The following CDC42BPA variants were observed in gnomAD, a reference collection of about 807,000 sequenced individuals.
The protein encoded by CDC42BPA is serine/threonine-protein kinase MRCK alpha.
CDC42BPA carries 80 observed loss-of-function variants against 223.5 expected under a neutral mutation model. The ratio of observed to expected loss-of-function variants is 0.36; its 90% CI spans 0.30 to 0.43. The LOEUF is 0.43. CDC42BPA is among the 20% of genes least tolerant of loss of function. The pLI, the probability that CDC42BPA is intolerant of heterozygous loss-of-function variation, is 1.00. For missense variants in CDC42BPA, 1,743 were observed against 2,099.9 expected (o/e 0.83, Z 3.32); for synonymous variants, 694 against 718.6 (o/e 0.97, Z 0.55).
rs951627768 is a variant in CDC42BPA at position 227,162,380 on chromosome 1, T to C, written c.600-1744A>G. Among the ~76,000 whole-genome samples the C allele has an allele frequency of 2.6e-4, 39 of 152,204 alleles. 1 individual carries two copies. Among genetic ancestry groups the C allele is most frequent in the Admixed American group, 2.4e-3 (37 of 15,280 alleles). On this transcript the variant is annotated intron_variant, in intron 5 of 36. Coordinates refer to ENST00000366766, the MANE Select transcript of CDC42BPA (RefSeq NM_001394014.1). Reference sequence around the variant, plus strand: ...CCCTCCACTACCCAGACATAGCTACTATCCTAAATTTGGTGTTTACTGTAT... The same window carrying C: ...CCCTCCACTACCCAGACATAGCTACCATCCTAAATTTGGTGTTTACTGTAT...
chr1:227,143,222 A>C lies in CDC42BPA; in HGVS notation c.1144-198T>G, dbSNP rs1489488299. Among the ~76,000 whole-genome samples the C allele has an allele frequency of 2.0e-5, 3 of 152,362 alleles. No individual in the cohort carries two copies. The East Asian group carries it at 5.8e-4, about 29-fold the overall frequency. ...CACTGCTACTCTAAAATTCTAATTA[A>C]AGTAAAATGAAGATTCAAAGTCTGA... On this transcript the variant is annotated intron_variant, in intron 8 of 36. Transcript: ENST00000366766.
intron 5 of CDC42BPA, among the ~76,000 whole-genome samples, chr1:227,186,420 G>A (rs948464575): frequency 6.6e-6 from 1 of 152,124 alleles, no homozygotes; most frequent in Admixed American, 6.5e-5. Flanking sequence ...CTAACCTGCT[G>A]GGGTATTATC....
intron 32 of CDC42BPA, among the ~76,000 whole-genome samples, chr1:227,022,216 G>A (rs1458963537): frequency 2.6e-5 from 4 of 152,070 alleles, no homozygotes; most frequent in Admixed American, 2.0e-4. Context: ...TGGATCATTT[G>A]AGGTCAGGAG....
intron 11 of CDC42BPA, among the ~76,000 whole-genome samples, chr1:227,125,990 G>A (rs1337260182): frequency 6.6e-6 from 1 of 151,924 alleles, no homozygotes; most frequent in Admixed American, 6.6e-5. Context: ...TCAGAGGCAG[G>A]GTTTAGTCAC....
chr1:227,105,263 T>A (rs1463759443), intron 14 of CDC42BPA, among the ~76,000 whole-genome samples: 1 of 151,996 alleles, frequency 6.6e-6, no homozygotes, highest in South Asian at 2.1e-4. Context: ...AACAAAAAAT[T>A]CTGTAACCAT....
chr1:227,093,985 G>C (rs1028808377), intron 15 of CDC42BPA, among the ~76,000 whole-genome samples: 6 of 152,102 alleles, frequency 3.9e-5, no homozygotes, highest in African/African-American at 1.4e-4. Context: ...AACTTCACCT[G>C]AAATAGTTAC....
At chr1:227,184,497 C>T (rs1001574012) in intron 5 of CDC42BPA, among the ~76,000 whole-genome samples, 1 of 152,086 alleles carries the variant, frequency 6.6e-6, no homozygotes, top group Non-Finnish European at 1.5e-5. Flanking sequence ...TACATCTGGG[C>T]TTGCTAATGT....
rs1694694601 is a variant in CDC42BPA, at chr1:227,318,153, C to CGGGGT, written c.-972_-971insACCCC. On this transcript the variant is annotated 5_prime_UTR_variant, in exon 1 of 37. Transcript: ENST00000366766. ...CGCCGGAGGCTCCCGACGCCCCAGG[C>CGGGGT]GGGGGGGTGCTTCTCTGAATTCAAA... The CGGGGT allele has an allele frequency of 6.0e-6, 1 of 166,128 alleles. No individual in the cohort carries two copies. The highest frequency in any genetic ancestry group is 2.5e-5 in the African/African-American group (1 of 39,960). The allele number at this position is 166,128 out of a possible 1,614,324, so 10.3% of individuals were successfully genotyped here.
intron 5 of CDC42BPA, among the ~76,000 whole-genome samples, chr1:227,192,996 T>C (rs947997642): frequency 6.6e-6 from 1 of 151,894 alleles, no homozygotes; most frequent in Admixed American, 6.6e-5. Context: ...ATGGAATTCA[T>C]ATGTACATTT....
intron 3 of CDC42BPA, among the ~76,000 whole-genome samples, chr1:227,200,292 G>A (rs1275183645): frequency 6.6e-6 from 1 of 152,020 alleles, no homozygotes; most frequent in Admixed American, 6.6e-5. Context: ...TTAACAGGGT[G>A]TGGTGGCATA....
rs1352890868 is a variant in CDC42BPA at position 227,129,205 on chromosome 1, G to C, written c.1417C>G (p.Gln473Glu). Residue 473 changes from glutamine to glutamate, a missense_variant, in exon 11 of 37, where the codon CAG becomes GAG. Transcript: ENST00000366766. ...AGTGGACCATCAACAGTTGAATACT[G>C]CAGAGCTTGGACAGTCTGTGTTGAC... is the stretch of plus-strand genomic sequence containing the variant. ...QESTQTVQALQYSTVDGPLTA... is the reference protein window; with the variant it reads ...QESTQTVQALEYSTVDGPLTA... 2 of 1,595,058 alleles carry C rather than the reference G, an allele frequency of 1.3e-6. No homozygotes were observed. The highest frequency in any genetic ancestry group is 2.7e-5 in the African/African-American group (2 of 73,856).
chr1:227,000,316 G>C (rs1224570703), intron 35 of CDC42BPA, among the ~76,000 whole-genome samples: 5 of 152,056 alleles, frequency 3.3e-5, no homozygotes, highest in African/African-American at 1.2e-4. Flanking sequence ...TGTGGAACGT[G>C]TGTCTCCTTA....
intron 1 of CDC42BPA, among the ~76,000 whole-genome samples, chr1:227,284,000 C>T (rs1482317538): frequency 6.6e-6 from 1 of 152,128 alleles, no homozygotes; most frequent in Non-Finnish European, 1.5e-5. Context: ...GAGTGGGCTG[C>T]AGTGAGACAA....
intron 9 of CDC42BPA, among the ~76,000 whole-genome samples, chr1:227,142,074 T>G (rs886413953): frequency 6.6e-6 from 1 of 152,228 alleles, no homozygotes; most frequent in Non-Finnish European, 1.5e-5. Context: ...TTGAGGTTGG[T>G]AATCATGAAT....
intron 10 of CDC42BPA, among the ~76,000 whole-genome samples, chr1:227,138,598 G>T (rs1659100725): frequency 6.6e-6 from 1 of 151,120 alleles, no homozygotes; most frequent in Non-Finnish European, 1.5e-5. Context: ...TAGGTTAAAA[G>T]GTGAAGACAG....
At chr1:227,040,486 T>C (rs1022395401) in intron 23 of CDC42BPA, among the ~76,000 whole-genome samples, 1 of 152,168 alleles carries the variant, frequency 6.6e-6, no homozygotes, top group Non-Finnish European at 1.5e-5. Flanking sequence ...TAAAAGTATA[T>C]AAAATAAACA....
chr1:227,166,229 A>G lies in CDC42BPA; in HGVS notation c.600-5593T>C, dbSNP rs550159375. Among the ~76,000 whole-genome samples the G allele has an allele frequency of 1.4e-4, 21 of 152,244 alleles. No homozygotes were observed. In the East Asian group the frequency reaches 2.3e-3, roughly 17 times the overall value. ...AGTCTCTGTTCTTAAAATGGTCACTATTTGGGCAGACGGAAACTCTCCTAA... is the reference window on the plus strand; with the variant it reads ...AGTCTCTGTTCTTAAAATGGTCACTGTTTGGGCAGACGGAAACTCTCCTAA... On this transcript the variant is annotated intron_variant, in intron 5 of 36. Transcript: ENST00000366766.
At chr1:227,300,994 A>C (rs2148729931) in intron 1 of CDC42BPA, among the ~76,000 whole-genome samples, 1 of 152,322 alleles carries the variant, frequency 6.6e-6, no homozygotes, top group Non-Finnish European at 1.5e-5. Flanking sequence ...AAGAAATAAT[A>C]ATCATATCCA....
intron 2 of CDC42BPA, among the ~76,000 whole-genome samples, chr1:227,224,721 G>A (rs1166402327): frequency 6.6e-6 from 1 of 152,158 alleles, no homozygotes. Context: ...TAACATTATT[G>A]TGGATTAGAA....
Sources: allele counts gnomAD v4.1 joint callset (sites outside exome capture counted in the v4.1 genomes callset), GRCh38; gene constraint gnomAD v4.1.1; transcripts MANE v1.5; gene names NCBI Gene and HGNC (gene_info 2026-07-23, HGNC 2026-07-21).